The following CEP85L variants were observed in gnomAD, a reference collection of about 807,000 sequenced individuals.
The protein encoded by CEP85L is centrosomal protein 85L.
A neutral mutation model predicts 100.3 loss-of-function variants in CEP85L; 60 were observed. The ratio of observed to expected loss-of-function variants is 0.60; its 90% CI spans 0.49 to 0.74. The LOEUF (loss-of-function observed/expected upper bound fraction) is 0.74. Among genes scored for constraint, CEP85L ranks in the 30% least tolerant of loss-of-function variants. The pLI, the probability that CEP85L is intolerant of heterozygous loss-of-function variation, is 0.00. For missense variants in CEP85L, 973 were observed against 936.2 expected, an observed-to-expected ratio of 1.04 and a Z score of -0.51; for synonymous variants, 319 against 322.7, an observed-to-expected ratio of 0.99 and a Z score of 0.12.
intron 2 of CEP85L, among the ~76,000 whole-genome samples, chr6:118,615,855 A>G (rs1773002367): frequency 6.6e-6 from 1 of 152,208 alleles, no homozygotes; most frequent in African/African-American, 2.4e-5. Flanking sequence ...AACTGTGCAC[A>G]TGACTTCGCA....
chr6:118,684,671 C>T (rs182516555), intron 1 of CEP85L, among the ~76,000 whole-genome samples: 1 of 152,322 alleles, frequency 6.6e-6, no homozygotes, highest in African/African-American at 2.4e-5. Flanking sequence ...TCTTTACACC[C>T]TTGAATGCAG....
intron 7 of CEP85L, 67 bp downstream of exon 7, chr6:118,483,639 C>A: frequency 1.3e-6 from 2 of 1,484,660 alleles, no homozygotes; most frequent in Non-Finnish European, 1.8e-6. Flanking sequence ...TATAGTTAGC[C>A]AAATTTCTAG....
At chr6:118,567,249 GTA>G (rs57181233) in intron 2 of CEP85L, among the ~76,000 whole-genome samples, 133 of 43,726 alleles carry the variant, frequency 3.0e-3, no homozygotes, top group African/African-American at 4.3e-3. Flanking sequence ...GTGTGTGTGT[GTA>G]TATATATATA....
intron 1 of CEP85L, among the ~76,000 whole-genome samples, chr6:118,702,737 C>T (rs967441334): frequency 6.6e-6 from 1 of 152,228 alleles, no homozygotes; most frequent in African/African-American, 2.4e-5. Context: ...CGGCTCACGC[C>T]TGTAATCCTA....
intron 3 of CEP85L, chr6:118,559,843 T>C (rs1339582382): frequency 6.0e-6 from 1 of 167,230 alleles, no homozygotes; most frequent in African/African-American, 2.4e-5. Flanking sequence ...GGTTAATATG[T>C]GACAGTGAGA....
At chr6:118,591,653 A>C (rs948874635) in intron 2 of CEP85L, among the ~76,000 whole-genome samples, 1 of 151,996 alleles carries the variant, frequency 6.6e-6, no homozygotes, top group African/African-American at 2.4e-5. Flanking sequence ...GAGGGTATTT[A>C]AACCCCAGAG....
intron 5 of CEP85L, among the ~76,000 whole-genome samples, chr6:118,499,117 A>T (rs751163580): frequency 2.0e-5 from 3 of 152,242 alleles, no homozygotes. Context: ...GTACTTAGAA[A>T]TTTATAGCAT....
Position 118,651,580 on chromosome 6 carries a change from T to C in CEP85L, c.-311A>G, listed in dbSNP as rs762782304. 1.6e-5 allele frequency: 18 copies of C among 1,107,938 alleles called. No homozygotes were observed. Among genetic ancestry groups the C allele is most frequent in the Non-Finnish European group, 2.0e-5 (18 of 909,064 alleles). The allele number at this position is 1,107,938 out of a possible 1,614,324, so 68.6% of individuals were successfully genotyped here. On this transcript the variant is annotated 5_prime_UTR_variant, in exon 1 of 13. Transcript: ENST00000368491. ...CAAAGGCTCCAGGCGAAGTTGCAGC[T>C]GCGGGTTCTCTCCGCCCCCTCCGCC...
chr6:118,523,032 A>C (rs888799313), intron 4 of CEP85L, among the ~76,000 whole-genome samples: 2 of 152,256 alleles, frequency 1.3e-5, no homozygotes, highest in East Asian at 1.9e-4. Flanking sequence ...GGTTGAAATT[A>C]GAATTTTAAG....
intron 2 of CEP85L, among the ~76,000 whole-genome samples, chr6:118,591,772 C>T (rs1377614334): frequency 1.3e-5 from 2 of 152,160 alleles, no homozygotes; most frequent in Admixed American, 1.3e-4. Context: ...TCTTTCCTTG[C>T]TTTGTGTATT....
intron 2 of CEP85L, among the ~76,000 whole-genome samples, chr6:118,617,414 T>C (rs1041071485): frequency 6.6e-6 from 1 of 152,206 alleles, no homozygotes; most frequent in African/African-American, 2.4e-5. Flanking sequence ...TTGTAAACAC[T>C]GTTTGTAAGT....
chr6:118,603,171 G>A (rs970046581), intron 2 of CEP85L, among the ~76,000 whole-genome samples: 1 of 152,138 alleles, frequency 6.6e-6, no homozygotes, highest in East Asian at 1.9e-4. Flanking sequence ...CTACCCTCAA[G>A]TAGCTATGAA....
chr6:118,634,230 G>A (rs1320815329), intron 1 of CEP85L, among the ~76,000 whole-genome samples: 4 of 140,480 alleles, frequency 2.8e-5, no homozygotes, highest in African/African-American at 8.1e-5. Flanking sequence ...AACAACAAAC[G>A]TGCATAAAAT....
chr6:118,681,880 ACAGGCATGC>A (rs1776674073), intron 1 of CEP85L, among the ~76,000 whole-genome samples: 2 of 151,600 alleles, frequency 1.3e-5, no homozygotes, highest in Admixed American at 1.3e-4. Flanking sequence ...AGCTGGAATT[ACAGGCATGC>A]CACCATGCTT....
chr6:118,614,148 G>A, intron 2 of CEP85L, among the ~76,000 whole-genome samples: 1 of 151,976 alleles, frequency 6.6e-6, no homozygotes, highest in Non-Finnish European at 1.5e-5. Flanking sequence ...AATTCATTGA[G>A]GAAAAAAAAT....
At chr6:118,618,835 C>T (rs1313464847) in intron 2 of CEP85L, among the ~76,000 whole-genome samples, 2 of 152,114 alleles carry the variant, frequency 1.3e-5, no homozygotes, top group African/African-American at 4.8e-5. Flanking sequence ...TGGCCAGGCC[C>T]ACGTAAATTG....
intron 2 of CEP85L, among the ~76,000 whole-genome samples, chr6:118,569,215 G>A (rs990534666): frequency 5.9e-5 from 9 of 151,486 alleles, no homozygotes; most frequent in East Asian, 1.9e-4. Flanking sequence ...GGTGGCAGGC[G>A]CCTGTAATCC....
intron 3 of CEP85L, among the ~76,000 whole-genome samples, chr6:118,553,898 C>A (rs1778692627): frequency 6.6e-6 from 1 of 152,122 alleles, no homozygotes; most frequent in African/African-American, 2.4e-5. Context: ...ATTTTTCTCA[C>A]CTGTGATAGA....
chr6:118,570,197 C>T (rs1345476396), intron 2 of CEP85L, among the ~76,000 whole-genome samples: 1 of 152,134 alleles, frequency 6.6e-6, no homozygotes. Flanking sequence ...GAGAAAAATA[C>T]TTCCACATTT....
Sources: allele counts gnomAD v4.1 joint callset (sites outside exome capture counted in the v4.1 genomes callset), GRCh38; gene constraint gnomAD v4.1.1; transcripts MANE v1.5; gene names NCBI Gene and HGNC (gene_info 2026-07-23, HGNC 2026-07-21).